The following RAP1GAP variants were observed in gnomAD, a reference collection of about 807,000 sequenced individuals.
RAP1GAP encodes rap1 GTPase-activating protein 1.
Under a neutral mutation model 87.2 loss-of-function variants are expected in RAP1GAP, and 35 were observed. The ratio of observed to expected loss-of-function variants is 0.40; its 90% confidence interval spans 0.31 to 0.53. The LOEUF (loss-of-function observed/expected upper bound fraction) is 0.53, where lower values mean the gene tolerates loss of function less well. Among genes scored for constraint, RAP1GAP ranks in the 20% least tolerant of loss-of-function variants. The probability of loss-of-function intolerance (pLI) is 0.48; values close to 1 mark genes in which losing one functional copy is unlikely to be tolerated. For missense variants in RAP1GAP, 734 were observed against 898.9 expected, an observed-to-expected ratio of 0.82 and a Z score of 2.35; for synonymous variants, 375 against 363.9, an observed-to-expected ratio of 1.03 and a Z score of -0.35.
Position 21,613,799 on chromosome 1 carries a change from A to G in RAP1GAP, c.396-93T>C, listed in dbSNP as rs2080061637. On this transcript the variant is annotated intron_variant, in intron 8 of 24. Transcript: ENST00000374765. This position sits in a 1 kb window ranked among gnomAD's most constrained non-coding sequence, Gnocchi z 4.7. ...ACAAAGTAAGGCCAGAAGGGGGTGGACCACAGCGAGGACCAGAGGTGATGA... is the reference window on the plus strand; with the variant it reads ...ACAAAGTAAGGCCAGAAGGGGGTGGGCCACAGCGAGGACCAGAGGTGATGA... The G allele has an allele frequency of 9.1e-6, 12 of 1,320,496 alleles. No homozygotes were observed. In the East Asian group the frequency reaches 1.2e-4, roughly 13 times the overall value. The allele number at this position is 1,320,496 out of a possible 1,614,324, so 81.8% of individuals were successfully genotyped here. A position where few individuals can be genotyped will look rare whatever the true frequency, so the allele number is the denominator to read the frequency against.
At chr1:21,638,857 A>C (rs1164643096) in intron 2 of RAP1GAP, among the ~76,000 whole-genome samples, 4 of 152,304 alleles carry the variant, frequency 2.6e-5, no homozygotes, top group African/African-American at 9.6e-5. Flanking sequence ...AAGGGGGAGA[A>C]GCTGACACGA....
rs2094446563 is a variant in RAP1GAP at position 21,634,945 on chromosome 1, A to T, written c.-112-8548T>A. ...CAGGGCCTCTTCCTGCCGGGCAACA[A>T]CATCATCTGCTTCCCTAGCCTGGCA... On this transcript the variant is annotated intron_variant, in intron 2 of 24. Transcript: ENST00000374765. This position sits in a 1 kb window ranked among gnomAD's most constrained non-coding sequence, Gnocchi z 4.1. Among the ~76,000 whole-genome samples the T allele has an allele frequency of 2.0e-5, 3 of 152,214 alleles. No homozygotes were observed. Among genetic ancestry groups the T allele is most frequent in the Non-Finnish European group, 2.9e-5 (2 of 68,034 alleles).
At chr1:21,657,863 T>C (rs1421276132) in intron 1 of RAP1GAP, among the ~76,000 whole-genome samples, 2 of 152,142 alleles carry the variant, frequency 1.3e-5, no homozygotes, top group African/African-American at 4.8e-5. Context: ...TTCCTTATGA[T>C]ACCACCCTCC....
chr1:21,606,311 C>G, intron 17 of RAP1GAP, 114 bp from the exon 18 acceptor site: 2 of 1,409,486 alleles, frequency 1.4e-6, no homozygotes, highest in Non-Finnish European at 1.9e-6. Flanking sequence ...CTGGGTAAGC[C>G]CTGGAAATCC....
rs776981256 is a variant in RAP1GAP, at chr1:21,669,335, G to C, written c.-230C>G. 1 of 1,079,958 alleles carries C rather than the reference G, an allele frequency of 9.3e-7. No individual in the cohort carries two copies. Among genetic ancestry groups the C allele is most frequent in the Non-Finnish European group, 1.1e-6 (1 of 886,518 alleles). The allele number at this position is 1,079,958 out of a possible 1,614,324, so 66.9% of individuals were successfully genotyped here. A position where few individuals can be genotyped will look rare whatever the true frequency, so the allele number is the denominator to read the frequency against. ...GCTGCAGCTCTGCTCAGATGCGGCC[G>C]GCGCTCGCCGCCGCCGCAGTTCGGG... On this transcript the variant is annotated 5_prime_UTR_variant, in exon 1 of 25. Transcript: ENST00000374765. This position sits in a 1 kb window ranked among gnomAD's most constrained non-coding sequence, Gnocchi z 5.6.
intron 1 of RAP1GAP, among the ~76,000 whole-genome samples, chr1:21,660,060 G>A (rs1177962563): frequency 6.6e-6 from 1 of 151,696 alleles, no homozygotes; most frequent in African/African-American, 2.4e-5. Flanking sequence ...TGGTATCCTC[G>A]GGCTTGAATG....
rs1175081596 is a variant in RAP1GAP, at chr1:21,613,910, G to A, written c.395+76C>T. ...TCTATGGGCCTTGATGAAGAGAGTG[G>A]GTCAAATGAGATGGGCTCTGAGATT... On this transcript the variant is annotated intron_variant, in intron 8 of 24. Coordinates refer to ENST00000374765, the MANE Select transcript of RAP1GAP (RefSeq NM_002885.4). This position sits in a 1 kb window ranked among gnomAD's most constrained non-coding sequence, Gnocchi z 4.7. 1.2e-5 allele frequency: 16 copies of A among 1,320,748 alleles called. No individual in the cohort carries two copies. The highest frequency in any genetic ancestry group is 1.7e-5 in the Non-Finnish European group (16 of 942,266). 81.8% of individuals were successfully genotyped at this position (1,320,748 alleles called of 1,614,324 possible). A position where few individuals can be genotyped will look rare whatever the true frequency, so the allele number is the denominator to read the frequency against.
At chr1:21,606,025 C>A in intron 18 of RAP1GAP, 41 bp downstream of exon 18, 1 of 1,546,102 alleles carries the variant, frequency 6.5e-7, no homozygotes, top group East Asian at 2.4e-5. Flanking sequence ...TGAGGGCCCC[C>A]CAGGGAGGGG....
At chr1:21,666,360 G>C (rs1281382956) in intron 1 of RAP1GAP, among the ~76,000 whole-genome samples, 2 of 152,240 alleles carry the variant, frequency 1.3e-5, no homozygotes, top group Admixed American at 1.3e-4. Flanking sequence ...TAGCAAAAGT[G>C]GAAAGGAAAG....
intron 10 of RAP1GAP, chr1:21,612,964 C>A (rs891458247): frequency 5.0e-6 from 3 of 596,372 alleles, no homozygotes; most frequent in Non-Finnish European, 9.1e-6. Context: ...GAGGCTTAAA[C>A]GCAGGCCCTC....
Position 21,603,602 on chromosome 1 carries a change from G to C in RAP1GAP, c.1429-689C>G, listed in dbSNP as rs1207550418. ...GGCAGGGACTGGGCCAGGGTCCCAG[G>C]GGCCAAGGCAGGGCCAGAAGCCCCT... On this transcript the variant is annotated intron_variant, in intron 18 of 24. Transcript: ENST00000374765. The surrounding 1 kb of genome is among the most constrained non-coding windows in gnomAD (Gnocchi z 6.0). The C allele has an allele frequency of 4.3e-6, 3 of 691,454 alleles. No homozygotes were observed. The highest frequency in any genetic ancestry group is 2.1e-5 in the Admixed American group (1 of 48,440). The allele number at this position is 691,454 out of a possible 1,614,324, so 42.8% of individuals were successfully genotyped here. A position where few individuals can be genotyped will look rare whatever the true frequency, so the allele number is the denominator to read the frequency against.
chr1:21,637,151 T>TC (rs1458432122), intron 2 of RAP1GAP, among the ~76,000 whole-genome samples: 3 of 149,238 alleles, frequency 2.0e-5, no homozygotes, highest in African/African-American at 7.3e-5. Context: ...TTTTCTTTTT[T>TC]TTTTTTTTTT....
intron 2 of RAP1GAP, among the ~76,000 whole-genome samples, chr1:21,642,111 G>A (rs2095579212): frequency 6.6e-6 from 1 of 152,226 alleles, no homozygotes; most frequent in Non-Finnish European, 1.5e-5. Flanking sequence ...CTGGCACCAG[G>A]CCCATCAGAC....
intron 1 of RAP1GAP, among the ~76,000 whole-genome samples, chr1:21,650,374 ACCC>A (rs2096466980): frequency 4.6e-5 from 7 of 151,830 alleles, no homozygotes; most frequent in Non-Finnish European, 7.4e-5. Flanking sequence ...CTTCAGGGGT[ACCC>A]CAGACTTTGT....
At chr1:21,629,861 A>G (rs1370972370) in intron 2 of RAP1GAP, among the ~76,000 whole-genome samples, 1 of 152,236 alleles carries the variant, frequency 6.6e-6, no homozygotes, top group Non-Finnish European at 1.5e-5. Flanking sequence ...GCATTTGGAC[A>G]CAGGTTTGTT....
intron 3 of RAP1GAP, among the ~76,000 whole-genome samples, chr1:21,620,575 G>A (rs1298056125): frequency 2.6e-5 from 4 of 152,214 alleles, no homozygotes; most frequent in East Asian, 1.9e-4. Context: ...CTGAACCCTC[G>A]CACACTCGAG....
chr1:21,624,044 G>A (rs2090549334), intron 3 of RAP1GAP, among the ~76,000 whole-genome samples: 1 of 152,258 alleles, frequency 6.6e-6, no homozygotes, highest in Non-Finnish European at 1.5e-5. Context: ...GCATGTGCAA[G>A]TCTCTGAATA....
chr1:21,647,466 A>G (rs2151796066), intron 2 of RAP1GAP, among the ~76,000 whole-genome samples: 1 of 152,286 alleles, frequency 6.6e-6, no homozygotes, highest in Non-Finnish European at 1.5e-5. Context: ...CCTGTCTCCA[A>G]AAAAACAAAA....
At position 21,598,461 on chromosome 1, in the gene RAP1GAP, G is replaced by A; in HGVS notation, c.1818C>T (p.Ser606=). 3 of 1,613,976 alleles carry A rather than the reference G, an allele frequency of 1.9e-6. No homozygotes were observed. Among genetic ancestry groups the A allele is most frequent in the Non-Finnish European group, 2.5e-6 (3 of 1,179,916 alleles). The change falls in exon 22 of 25, where the codon TCC becomes TCT. Residue 606 remains serine (S), a synonymous_variant. Transcript: ENST00000374765. ...CCTCCAGCCACGTGCTATAGATGAAGGAGTCCCGCTTGTGGGGTGTTCCTG... is the reference window on the plus strand; with the variant it reads ...CCTCCAGCCACGTGCTATAGATGAAAGAGTCCCGCTTGTGGGGTGTTCCTG... The part of the protein sequence containing the change: ...SSSGTPHKRD[S]FIYSTWLEDS...
Sources: allele counts gnomAD v4.1 joint callset (sites outside exome capture counted in the v4.1 genomes callset), GRCh38; gene constraint gnomAD v4.1.1; non-coding constraint Gnocchi (gnomAD v3.1); transcripts MANE v1.5; gene names NCBI Gene and HGNC (gene_info 2026-07-23, HGNC 2026-07-21).